OSBPL7: variants seen among roughly 807,000 people sequenced by gnomAD.
The protein encoded by OSBPL7 is oxysterol binding protein like 7.
Under a neutral mutation model 115.8 loss-of-function variants are expected in OSBPL7, and 66 were observed. That is an observed-to-expected ratio of 0.57 (90% CI 0.47 to 0.70). OSBPL7 has a LOEUF of 0.70. OSBPL7 is among the 30% of genes least tolerant of loss of function. The pLI, the probability that OSBPL7 is intolerant of heterozygous loss-of-function variation, is 0.00. For missense variants in OSBPL7, 902 were observed against 1,125.5 expected, an observed-to-expected ratio of 0.80 and a Z score of 2.84; for synonymous variants, 441 against 439.2, an observed-to-expected ratio of 1.00 and a Z score of -0.05.
chr17:47,813,271 C>A lies in OSBPL7; in HGVS notation c.1732G>T (p.Glu578Ter), dbSNP rs781184244. 6.2e-7 allele frequency: 1 copy of A among 1,613,978 alleles called. No individual in the cohort carries two copies. The highest frequency in any genetic ancestry group is 8.5e-7 in the Non-Finnish European group (1 of 1,180,022). Residue 578 changes from glutamate (E) to a stop codon, truncating the protein, a stop_gained, in exon 16 of 23, where the codon GAG becomes TAG. Coordinates refer to ENST00000007414, the MANE Select transcript of OSBPL7 (RefSeq NM_145798.3). LOFTEE classifies it high-confidence loss of function. ...CTCTTCTCCCAAGGCCATACCTGCT[C>A]ACTGATGAAGCGGAAGCCTCGGTCA... The part of the protein sequence containing the change: ...RPDRGFRFIS[E>*]QVSHHPPISA...
intron 16 of OSBPL7, among the ~76,000 whole-genome samples, chr17:47,811,627 C>A (rs2033044507): frequency 6.6e-6 from 1 of 152,186 alleles, no homozygotes; most frequent in Non-Finnish European, 1.5e-5. Flanking sequence ...TCTGAGGACC[C>A]AGGCACAAGC....
intron 2 of OSBPL7, 48 bp from the exon 3 acceptor site, chr17:47,820,144 T>C: frequency 6.2e-7 from 1 of 1,613,626 alleles, no homozygotes; most frequent in Non-Finnish European, 8.5e-7. Flanking sequence ...ACGTCCGCCT[T>C]GGCCCCTCCC....
chr17:47,817,205 T>C, intron 8 of OSBPL7, 51 bp downstream of exon 8: 1 of 1,390,418 alleles, frequency 7.2e-7, no homozygotes, highest in African/African-American at 1.5e-5. Flanking sequence ...CCTGGGGAAG[T>C]GATGGGATCG....
rs563432675 is a variant in OSBPL7 at position 47,816,633 on chromosome 17, C to T, written c.858G>A (p.Ser286=). 31 of 1,613,936 alleles carry T rather than the reference C, an allele frequency of 1.9e-5. No individual in the cohort carries two copies. Among genetic ancestry groups the T allele is most frequent in the South Asian group, 3.3e-5 (3 of 91,052 alleles). The change falls in exon 10 of 23, where the codon TCG becomes TCA. Residue 286 remains serine, a synonymous_variant. Coordinates refer to ENST00000007414, the MANE Select transcript of OSBPL7 (RefSeq NM_145798.3). The surrounding 1 kb of genome is among the most constrained non-coding windows in gnomAD (Gnocchi z 5.8). ...LSRYLESRDS[S]GTRGLPPTDY... is the part of the protein sequence containing the mutation. ...CTGTGGGTGGCAGCCCACGGGTGCC[C>T]GAGGAGTCCCGAGACTCCAGGTAGC...
rs571591757 is a variant in OSBPL7, at chr17:47,819,678, C to A, written c.255+51G>T. On this transcript the variant is annotated intron_variant, in intron 4 of 22. Transcript: ENST00000007414. ...CCAGATACCCCATGCCTGCCCAGGG[C>A]ATACTGGGGCCAGACTCCTCCCACA... 3 of 1,604,732 alleles carry A rather than the reference C, an allele frequency of 1.9e-6. No individual in the cohort carries two copies. The African/African-American group carries it at 4.0e-5, about 21-fold the overall frequency.
chr17:47,816,232 C>T lies in OSBPL7; in HGVS notation c.1024-30G>A, dbSNP rs1354504663. 1 of 1,539,360 alleles carries T rather than the reference C, an allele frequency of 6.5e-7. No individual in the cohort carries two copies. Among genetic ancestry groups the T allele is most frequent in the Non-Finnish European group, 8.8e-7 (1 of 1,138,764 alleles). ...AGGGAGAGGGTGAGGGACACGGTGC[C>T]AGGAGGATGAGGTCCTCCCCACCTT... On this transcript the variant is annotated intron_variant, in intron 11 of 22. Coordinates refer to ENST00000007414, the MANE Select transcript of OSBPL7 (RefSeq NM_145798.3). This position sits in a 1 kb window ranked among gnomAD's most constrained non-coding sequence, Gnocchi z 5.8.
chr17:47,816,490 G>A lies in OSBPL7; in HGVS notation c.929-8C>T, dbSNP rs753728589. On this transcript the variant is annotated splice_region_variant and splice_polypyrimidine_tract_variant and intron_variant, in intron 10 of 22. Coordinates refer to ENST00000007414, the MANE Select transcript of OSBPL7 (RefSeq NM_145798.3). This position sits in a 1 kb window ranked among gnomAD's most constrained non-coding sequence, Gnocchi z 5.8. ...TGCTGAGGGAGCTGTGCACTACAGG[G>A]AGTGGGGCAGACCATCAGAGTCCTC... 3.2e-6 allele frequency: 5 copies of A among 1,549,750 alleles called. No homozygotes were observed. The East Asian group carries it at 1.2e-4, about 37-fold the overall frequency.
intron 7 of OSBPL7, 66 bp downstream of exon 7, chr17:47,818,203 T>C: frequency 7.2e-7 from 1 of 1,384,692 alleles, no homozygotes; most frequent in Non-Finnish European, 9.9e-7. Context: ...GGAGGTAACA[T>C]TTTCCCCTCC....
intron 12 of OSBPL7, chr17:47,815,677 A>G (rs1782152233): frequency 2.9e-6 from 1 of 346,738 alleles, no homozygotes; most frequent in Non-Finnish European, 5.3e-6. Context: ...AGGTGCAATT[A>G]TCACCCCCAC....
intron 13 of OSBPL7, chr17:47,814,903 T>A (rs1179926138): frequency 1.8e-6 from 1 of 554,888 alleles, no homozygotes; most frequent in African/African-American, 1.9e-5. Context: ...AGGGTCAGGG[T>A]TTTGGAAGAG....
At position 47,818,978 on chromosome 17, in the gene OSBPL7, G is replaced by A; in HGVS notation, c.369+8C>T. The A allele has an allele frequency of 6.2e-7, 1 of 1,611,702 alleles. No homozygotes were observed. The highest frequency in any genetic ancestry group is 8.5e-7 in the Non-Finnish European group (1 of 1,177,802). ...GCCAACACACGTCCTGCCTCCCAGG[G>A]ATGTCACCTTGAGGTGGTAGATGTT... On this transcript the variant is annotated splice_region_variant and intron_variant, in intron 5 of 22. Coordinates refer to ENST00000007414, the MANE Select transcript of OSBPL7 (RefSeq NM_145798.3).
Position 47,816,968 on chromosome 17 carries a change from T to C in OSBPL7, c.703-96A>G. ...GAGAGGTAGACGGCCTCCTGCGCCA[T>C]GGAGGAGGGCGCAGATTACCCAGCA... is the stretch of plus-strand genomic sequence containing the variant. On this transcript the variant is annotated intron_variant, in intron 8 of 22. Coordinates refer to ENST00000007414, the MANE Select transcript of OSBPL7 (RefSeq NM_145798.3). The surrounding 1 kb of genome is among the most constrained non-coding windows in gnomAD (Gnocchi z 5.8). 1.2e-5 allele frequency: 15 copies of C among 1,204,742 alleles called. No individual in the cohort carries two copies. The highest frequency in any genetic ancestry group is 1.8e-5 in the Non-Finnish European group (15 of 813,522). The allele number at this position is 1,204,742 out of a possible 1,614,324, so 74.6% of individuals were successfully genotyped here.
At chr17:47,814,431 G>C (rs2033146050) in intron 14 of OSBPL7, 90 bp downstream of exon 14, 2 of 1,243,502 alleles carry the variant, frequency 1.6e-6, no homozygotes, top group Non-Finnish European at 2.3e-6. Context: ...GTCACCACAA[G>C]GGATGGCCTT....
In OSBPL7 at chr17:47,816,292, C is replaced by T. The variant is rs1169482680; in HGVS notation, c.1024-90G>A. On this transcript the variant is annotated intron_variant, in intron 11 of 22. Transcript: ENST00000007414. The surrounding 1 kb of genome is among the most constrained non-coding windows in gnomAD (Gnocchi z 5.8). ...CTGCAGAGACTGCCTCTGCCAACCC[C>T]CCACCCTGACCCAGATCTGCTATCG... The T allele has an allele frequency of 1.3e-4, 200 of 1,489,386 alleles. 2 individuals are homozygous for T. The East Asian group carries it at 5.0e-3, about 37-fold the overall frequency. The allele number at this position is 1,489,386 out of a possible 1,614,324, so 92.3% of individuals were successfully genotyped here.
chr17:47,819,911 TGCCCCCCATTCCCACCCC>T, intron 3 of OSBPL7, 42 bp downstream of exon 3: 2 of 1,557,666 alleles, frequency 1.3e-6, no homozygotes, highest in African/African-American at 1.4e-5. Flanking sequence ...GCCCAGCAGC[TGCCCCCCATTCCCACCCC>T]GCCCCCCATG....
rs752691968 is a variant in OSBPL7 at position 47,818,294 on chromosome 17, A to G, written c.573T>C (p.Ser191=). The change falls in exon 7 of 23, where the codon AGT becomes AGC. Residue 191 remains serine (S), a synonymous_variant. Coordinates refer to ENST00000007414, the MANE Select transcript of OSBPL7 (RefSeq NM_145798.3). The part of the protein sequence containing the change: ...REKVSSWLRD[S]DGLDRCSHEL... ...CATGAGAGCAGCGGTCCAGCCCATC[A>G]CTGTCCCTCAGCCAGGAAGACACTT... is the stretch of plus-strand genomic sequence containing the variant. 3.7e-6 allele frequency: 6 copies of G among 1,613,850 alleles called. No homozygotes were observed. The Admixed American group carries it at 1.0e-4, about 27-fold the overall frequency.
chr17:47,813,829 AC>A lies in OSBPL7; in HGVS notation c.1356del (p.Cys453ValfsTer25), dbSNP rs755751251. The A allele has an allele frequency of 2.5e-6, 4 of 1,605,406 alleles. No individual in the cohort carries two copies. The highest frequency in any genetic ancestry group is 8.5e-7 in the Non-Finnish European group (1 of 1,177,710). ...LRGAERCQKG[G>X]CVPGRPMGPP... ...GGCCCCATGGGTCTCCCTGGAACAC[AC>A]CCCCCTGGGGCCGCCCTGCCATGTC... On this transcript the variant is annotated frameshift_variant, in exon 15 of 23. Transcript: ENST00000007414. LOFTEE classifies it high-confidence loss of function.
chr17:47,818,571 C>T lies in OSBPL7; in HGVS notation c.415G>A (p.Ala139Thr). ...LFQSWVAQLR[A>T]HRLAHRLDMP... ...TCCAGGCGGTGGGCTAGGCGGTGGG[C>T]ACGCAGCTGCGCCACCCAGCTCTGG... Residue 139 changes from alanine (A) to threonine (T), a missense_variant, in exon 6 of 23, where the codon GCC (alanine) becomes ACC (threonine). This residue lies in a region of OSBPL7 where 667 missense variants were observed against 788.7 expected (regional missense o/e 0.85). Coordinates refer to ENST00000007414, the MANE Select transcript of OSBPL7 (RefSeq NM_145798.3). The T allele has an allele frequency of 6.2e-7, 1 of 1,612,566 alleles. No individual in the cohort carries two copies. The highest frequency in any genetic ancestry group is 1.3e-5 in the African/African-American group (1 of 75,054).
At position 47,809,886 on chromosome 17, in the gene OSBPL7, A is replaced by ATTTTC. The variant is rs201925618; in HGVS notation, c.1881-413_1881-409dup. Among the ~76,000 whole-genome samples, 139 of 141,196 alleles carry ATTTTC rather than the reference A, an allele frequency of 9.8e-4. 2 individuals carry two copies. In the Middle Eastern group the frequency reaches 0.011, roughly 11 times the overall value. 92.6% of individuals were successfully genotyped at this position (141,196 alleles called of 152,430 possible). On this transcript the variant is annotated intron_variant, in intron 18 of 22. Transcript: ENST00000007414. The stretch of plus-strand genomic sequence containing the variant: ...AAGTCTTTTTGCTGCTTGCATCACT[A>ATTTTC]TTTTCTTTTCTTTTCTTTTCTTTTC...
Sources: gnomAD v4.1 joint callset for allele counts (sites outside exome capture counted in the v4.1 genomes callset) on GRCh38, gnomAD v4.1.1 for gene constraint, gnomAD v4.1.1 regional missense constraint, Gnocchi (gnomAD v3.1) non-coding constraint, MANE v1.5 for transcripts, NCBI Gene and HGNC (gene_info 2026-07-23, HGNC 2026-07-21) for gene names.